The following TMEM44 variants were observed in gnomAD, a reference collection of about 807,000 sequenced individuals.
TMEM44 encodes the protein transmembrane protein 44.
TMEM44 carries 43 observed loss-of-function variants against 47.8 expected under a neutral mutation model. The ratio of observed to expected loss-of-function variants is 0.90; its 90% CI spans 0.70 to 1.16. TMEM44 has a LOEUF of 1.16. Ranked by LOEUF, TMEM44 falls within the 50% of genes most tolerant of loss-of-function variation. The pLI is 0.00. For synonymous variants in TMEM44, 277 were observed against 238.8 expected (o/e 1.16, Z -1.48); for missense variants, 568 against 555.2 (o/e 1.02, Z -0.23).
chr3:194,606,572 G>C (rs113843666), intron 8 of TMEM44, among the ~76,000 whole-genome samples: 1 of 152,056 alleles, frequency 6.6e-6, no homozygotes, highest in African/African-American at 2.4e-5. Flanking sequence ...TCTAACTGTA[G>C]GATCTTGGGC....
chr3:194,631,180 C>T (rs1274637903), intron 1 of TMEM44, among the ~76,000 whole-genome samples: 1 of 151,784 alleles, frequency 6.6e-6, no homozygotes, highest in Non-Finnish European at 1.5e-5. Context: ...TTTCCCTCAG[C>T]GTCACTGATA....
chr3:194,595,535 G>C (rs1713290155), intron 9 of TMEM44, among the ~76,000 whole-genome samples: 1 of 152,062 alleles, frequency 6.6e-6, no homozygotes, highest in South Asian at 2.1e-4. Flanking sequence ...CATCTCCACA[G>C]TCTTGGGGAG....
intron 8 of TMEM44, among the ~76,000 whole-genome samples, chr3:194,609,051 G>C (rs546788676): frequency 6.6e-6 from 1 of 152,320 alleles, no homozygotes; most frequent in East Asian, 1.9e-4. Flanking sequence ...TGGGGGTGTG[G>C]CCAGGGAAAG....
chr3:194,617,943 C>T (rs1467502615), intron 5 of TMEM44, among the ~76,000 whole-genome samples: 2 of 152,188 alleles, frequency 1.3e-5, no homozygotes, highest in Non-Finnish European at 2.9e-5. Flanking sequence ...TCTCTCTCTG[C>T]CTGCTCACAC....
intron 3 of TMEM44, 105 bp downstream of exon 3, chr3:194,625,792 T>G: frequency 9.7e-7 from 1 of 1,030,300 alleles, no homozygotes; most frequent in Non-Finnish European, 1.5e-6. Context: ...TCTCCTTTGT[T>G]TGTGCCTGGC....
intron 1 of TMEM44, 74 bp from the exon 2 acceptor site, chr3:194,628,583 A>G: frequency 6.7e-7 from 1 of 1,496,240 alleles, no homozygotes; most frequent in Non-Finnish European, 9.0e-7. Context: ...TAAAAAGGGC[A>G]ACTGTGACCC....
At chr3:194,610,581 A>G (rs535812173) in intron 8 of TMEM44, among the ~76,000 whole-genome samples, 1 of 152,034 alleles carries the variant, frequency 6.6e-6, no homozygotes, top group African/African-American at 2.4e-5. Flanking sequence ...CTCCCACCCC[A>G]GAACCCCAAA....
intron 8 of TMEM44, among the ~76,000 whole-genome samples, chr3:194,607,246 C>T (rs1388917592): frequency 6.6e-6 from 1 of 152,098 alleles, no homozygotes; most frequent in African/African-American, 2.4e-5. Flanking sequence ...TTGCCTTCCC[C>T]CATGAGTGGA....
intron 7 of TMEM44, among the ~76,000 whole-genome samples, chr3:194,613,415 C>G (rs1158589181): frequency 6.6e-6 from 1 of 150,770 alleles, no homozygotes; most frequent in African/African-American, 2.4e-5. Flanking sequence ...TGAGCTCAGG[C>G]AATCTGCCCA....
intron 7 of TMEM44, among the ~76,000 whole-genome samples, 191 bp downstream of exon 7, chr3:194,615,378 G>A (rs558575184): frequency 1.3e-5 from 2 of 152,276 alleles, no homozygotes; most frequent in South Asian, 4.1e-4. Context: ...AACAGGAAGG[G>A]CCCGTTACAT....
chr3:194,612,021 AAAATAAATAAATAAAT>A lies in TMEM44; in HGVS notation c.913-1017_913-1002del, dbSNP rs10578893. ...TGGACAACAGTGAGACTCCGTCTCA[AAAATAAATAAATAAAT>A]AAATAAATAAATAAATAAATAAAAT... is the stretch of plus-strand genomic sequence containing the variant. On this transcript the variant is annotated intron_variant, in intron 7 of 9. Coordinates refer to ENST00000347147, the MANE Select transcript of TMEM44 (RefSeq NM_001011655.3). Among the ~76,000 whole-genome samples the A allele has an allele frequency of 4.8e-5, 7 of 146,684 alleles. No homozygotes were observed. In the East Asian group the frequency reaches 8.0e-4, roughly 17 times the overall value.
intron 8 of TMEM44, among the ~76,000 whole-genome samples, chr3:194,610,408 C>T (rs1715189633): frequency 6.6e-6 from 1 of 152,066 alleles, no homozygotes; most frequent in Non-Finnish European, 1.5e-5. Context: ...TATTAACCTC[C>T]CCTAACTGCC....
intron 9 of TMEM44, among the ~76,000 whole-genome samples, chr3:194,598,816 G>C (rs9843937): frequency 6.6e-6 from 1 of 151,628 alleles, no homozygotes; most frequent in Admixed American, 6.6e-5. Context: ...CAGAGTTAAG[G>C]TGCCAAATCA....
intron 6 of TMEM44, 101 bp downstream of exon 6, chr3:194,616,998 T>C (rs1280591109): frequency 3.8e-6 from 5 of 1,306,888 alleles, no homozygotes; most frequent in Middle Eastern, 2.2e-4. Context: ...GAGAGTTCCA[T>C]CTAGCAAGAG....
intron 8 of TMEM44, among the ~76,000 whole-genome samples, chr3:194,608,941 CAGA>C (rs1027358429): frequency 3.3e-5 from 5 of 152,132 alleles, no homozygotes; most frequent in Admixed American, 1.3e-4. Context: ...GGCAGGACCA[CAGA>C]AGAAGTGGAG....
intron 8 of TMEM44, among the ~76,000 whole-genome samples, chr3:194,605,801 C>T (rs1714714225): frequency 6.6e-6 from 1 of 152,180 alleles, no homozygotes; most frequent in Non-Finnish European, 1.5e-5. Flanking sequence ...GCTTTGCCTC[C>T]AGTGAGGGGG....
chr3:194,599,257 G>A (rs1206132438), intron 9 of TMEM44, among the ~76,000 whole-genome samples: 1 of 152,114 alleles, frequency 6.6e-6, no homozygotes, highest in African/African-American at 2.4e-5. Context: ...CACCCTATGC[G>A]GTGGGCTGGG....
intron 9 of TMEM44, among the ~76,000 whole-genome samples, chr3:194,601,309 CTT>C (rs1553827277): frequency 2.2e-5 from 3 of 134,238 alleles, no homozygotes; most frequent in Non-Finnish European, 1.6e-5. Context: ...GGCTAATTTT[CTT>C]TTTTTTTTTT....
At chr3:194,605,971 G>C (rs961346454) in intron 8 of TMEM44, among the ~76,000 whole-genome samples, 5 of 152,120 alleles carry the variant, frequency 3.3e-5, no homozygotes, top group African/African-American at 9.7e-5. Context: ...AGAAACAAAG[G>C]CAGCATTCTG....
Sources: gnomAD v4.1 joint callset for allele counts (sites outside exome capture counted in the v4.1 genomes callset) on GRCh38, gnomAD v4.1.1 for gene constraint, MANE v1.5 for transcripts, NCBI Gene and HGNC (gene_info 2026-07-23, HGNC 2026-07-21) for gene names.